NBDY: variants seen among roughly 807,000 people sequenced by gnomAD.
NBDY encodes the protein P-body dissociating protein.
At chrX:56,807,382 T>C (rs1430568387) in intron 2 of NBDY, among the ~76,000 whole-genome samples, 1 of 111,818 alleles carries the variant, frequency 8.9e-6, no homozygotes, top group African/African-American at 3.3e-5. Flanking sequence ...GGGGATAGCA[T>C]TGAATCTATA....
chrX:56,744,890 A>T (rs1569284752), intron 2 of NBDY, among the ~76,000 whole-genome samples: 1 of 111,846 alleles, frequency 8.9e-6, no homozygotes, highest in Non-Finnish European at 1.9e-5. Context: ...CAATATTCAT[A>T]GTTTCATGGA....
At chrX:56,786,382 T>C (rs1285245254) in intron 2 of NBDY, among the ~76,000 whole-genome samples, 1 of 112,042 alleles carries the variant, frequency 8.9e-6, no homozygotes, top group East Asian at 2.8e-4. Context: ...TACATCACCA[T>C]GCATTGAGGT....
At chrX:56,737,678 C>A (rs373983941) in intron 2 of NBDY, 1 of 263,242 alleles carries the variant, frequency 3.8e-6, no homozygotes. Context: ...AAAACATTTT[C>A]TTTCATTAAA....
At chrX:56,783,185 C>T (rs1371380492) in intron 2 of NBDY, among the ~76,000 whole-genome samples, 1 of 112,920 alleles carries the variant, frequency 8.9e-6, no homozygotes, top group East Asian at 2.8e-4. Flanking sequence ...GGCTCTTGGC[C>T]TGCCCTCATT....
In NBDY at chrX:56,818,571, T is replaced by C. The variant is rs2069920915; in HGVS notation, c.*1418T>C. The C allele has an allele frequency of 8.9e-6, 1 of 112,216 alleles. No individual in the cohort carries two copies. Among genetic ancestry groups the C allele is most frequent in the African/African-American group, 3.2e-5 (1 of 30,950 alleles). 9.2% of individuals were successfully genotyped at this position (112,216 alleles called of 1,213,427 possible). On this transcript the variant is annotated 3_prime_UTR_variant, in exon 3 of 3. Coordinates refer to ENST00000374922, the MANE Select transcript of NBDY (RefSeq NM_001348129.2). ...AAAGGACATCTGGTGAAAGGCATTT[T>C]ATGCATCAGAAGGCACAGTATTATA...
Position 56,730,513 on chromosome X carries a change from C to CAAAAAAAAAAAAA in NBDY, c.*29+945_*29+957dup. 3.6e-3 allele frequency among the ~76,000 whole-genome samples: 40 copies of CAAAAAAAAAAAAA among 11,215 alleles called. 14 individuals are homozygous for CAAAAAAAAAAAAA. The highest frequency in any genetic ancestry group is 4.5e-3 in the Non-Finnish European group (26 of 5,792). The allele number at this position is 11,215 out of a possible 115,157, so 9.7% of individuals were successfully genotyped here. ...GCGACAATAGCAAAAAACTACGTCTCAAAAAAAAAAAAAAAAAAAAAAAAA... is the reference window on the plus strand; with the variant it reads ...GCGACAATAGCAAAAAACTACGTCTCAAAAAAAAAAAAAAAAAAAAAAAAAAAAAAAAAAAAAA... On this transcript the variant is annotated intron_variant, in intron 1 of 2. Coordinates refer to ENST00000374922, the MANE Select transcript of NBDY (RefSeq NM_001348129.2).
intron 2 of NBDY, among the ~76,000 whole-genome samples, chrX:56,740,550 T>G (rs772593055): frequency 8.9e-6 from 1 of 111,839 alleles, no homozygotes; most frequent in East Asian, 2.8e-4. Flanking sequence ...AGAGTTAAAA[T>G]CTCCCACTGT....
intron 2 of NBDY, among the ~76,000 whole-genome samples, chrX:56,791,080 C>T (rs2069759957): frequency 1.8e-5 from 2 of 112,488 alleles, no homozygotes; most frequent in African/African-American, 6.5e-5. Flanking sequence ...CTGAGGCACT[C>T]TGCATTCCAG....
chrX:56,759,747 T>A (rs1336436486), intron 2 of NBDY, among the ~76,000 whole-genome samples: 3 of 111,655 alleles, frequency 2.7e-5, no homozygotes, highest in African/African-American at 9.8e-5. Context: ...CCTTGGCCTG[T>A]GCTTATTCCC....
At chrX:56,737,051 G>A (rs2069498446) in intron 2 of NBDY, among the ~76,000 whole-genome samples, 1 of 111,731 alleles carries the variant, frequency 9.0e-6, no homozygotes, top group Non-Finnish European at 1.9e-5. Context: ...AAAACATCTT[G>A]AAAATTTGGA....
intron 2 of NBDY, among the ~76,000 whole-genome samples, chrX:56,803,433 G>A (rs1293551395): frequency 9.0e-6 from 1 of 111,627 alleles, no homozygotes; most frequent in Non-Finnish European, 1.9e-5. Flanking sequence ...CCCCAGTCTC[G>A]GCCGTCAGTA....
At chrX:56,739,236 G>A (rs866398380) in intron 2 of NBDY, among the ~76,000 whole-genome samples, 8 of 58,050 alleles carry the variant, frequency 1.4e-4, no homozygotes, top group African/African-American at 4.1e-4. Context: ...GTGTTTGTGT[G>A]TGTATATATA....
chrX:56,747,033 G>C (rs1484956552), intron 2 of NBDY, among the ~76,000 whole-genome samples: 1 of 111,784 alleles, frequency 8.9e-6, no homozygotes, highest in African/African-American at 3.3e-5. Context: ...TCTTGTAATT[G>C]TGGTGTGGAC....
intron 2 of NBDY, among the ~76,000 whole-genome samples, chrX:56,790,564 G>A (rs2069756887): frequency 1.8e-5 from 2 of 112,483 alleles, no homozygotes; most frequent in South Asian, 7.4e-4. Flanking sequence ...CTCCGGCCCT[G>A]CCTAGGTACA....
intron 2 of NBDY, among the ~76,000 whole-genome samples, chrX:56,811,766 G>T (rs996746919): frequency 7.2e-5 from 8 of 111,281 alleles, no homozygotes; most frequent in African/African-American, 2.6e-4. Context: ...GGAGTGAATG[G>T]TTTTGTCTGG....
At chrX:56,781,128 C>T (rs1033929293) in intron 2 of NBDY, among the ~76,000 whole-genome samples, 3 of 111,298 alleles carry the variant, frequency 2.7e-5, no homozygotes, top group Non-Finnish European at 5.7e-5. Flanking sequence ...TTGTTTTTAC[C>T]TTTGAACATC....
At chrX:56,785,071 C>T (rs2069719557) in intron 2 of NBDY, among the ~76,000 whole-genome samples, 1 of 111,334 alleles carries the variant, frequency 9.0e-6, no homozygotes, top group East Asian at 2.9e-4. Context: ...ATGATTCTCA[C>T]ACTCATGAGA....
intron 2 of NBDY, among the ~76,000 whole-genome samples, chrX:56,740,971 C>T (rs1231372087): frequency 9.1e-6 from 1 of 110,439 alleles, no homozygotes; most frequent in African/African-American, 3.3e-5. Context: ...TTAACCATCC[C>T]CACTCTCCCC....
intron 2 of NBDY, among the ~76,000 whole-genome samples, chrX:56,746,279 A>G (rs745746423): frequency 9.1e-6 from 1 of 110,189 alleles, no homozygotes; most frequent in South Asian, 3.9e-4. Flanking sequence ...CTCTCATTGT[A>G]TAAAGACTTT....
Sources: allele counts gnomAD v4.1 joint callset (sites outside exome capture counted in the v4.1 genomes callset), GRCh38; gene constraint gnomAD v4.1.1; transcripts MANE v1.5; gene names NCBI Gene and HGNC (gene_info 2026-07-23, HGNC 2026-07-21).